UHRF1: variants seen among roughly 807,000 people sequenced by gnomAD.
The protein encoded by UHRF1 is ubiquitin like with PHD and ring finger domains 1.
Under a neutral mutation model 96.5 loss-of-function variants are expected in UHRF1, and 9 were observed. The ratio of observed to expected loss-of-function variants is 0.09; its 90% CI spans 0.06 to 0.16. The LOEUF is 0.16. UHRF1 is among the 10% of genes least tolerant of loss of function. The pLI is 1.00. For missense variants in UHRF1, 626 were observed against 1,131.1 expected (o/e 0.55, Z 6.40); for synonymous variants, 455 against 469.9 (o/e 0.97, Z 0.41).
At chr19:4,955,422 G>A (rs1170939173) in intron 15 of UHRF1, among the ~76,000 whole-genome samples, 6 of 152,020 alleles carry the variant, frequency 3.9e-5, no homozygotes. Flanking sequence ...CTCTCGGGAG[G>A]ACCTCGGGGT....
chr19:4,920,984 C>T (rs867535796), intron 2 of UHRF1, among the ~76,000 whole-genome samples: 2 of 151,620 alleles, frequency 1.3e-5, no homozygotes, highest in Non-Finnish European at 2.9e-5. Flanking sequence ...ATTAGCTGGG[C>T]GTGGTGGCAT....
chr19:4,940,359 A>ATTTTGTTTTTT (rs2033354364), intron 5 of UHRF1, among the ~76,000 whole-genome samples: 1 of 67,056 alleles, frequency 1.5e-5, no homozygotes, highest in Non-Finnish European at 2.7e-5. Flanking sequence ...TGCCTTTATG[A>ATTTTGTTTTTT]TTTTTTTTTT....
intron 2 of UHRF1, among the ~76,000 whole-genome samples, chr19:4,919,355 T>C (rs923878317): frequency 6.6e-6 from 1 of 151,580 alleles, no homozygotes; most frequent in East Asian, 1.9e-4. Context: ...CAGGCTAGAG[T>C]GCAGTGGCGT....
At chr19:4,948,561 G>A (rs1007301867) in intron 11 of UHRF1, among the ~76,000 whole-genome samples, 1 of 152,146 alleles carries the variant, frequency 6.6e-6, no homozygotes, top group African/African-American at 2.4e-5. Context: ...CACTTTGAGA[G>A]GCCGAGGTAG....
intron 5 of UHRF1, among the ~76,000 whole-genome samples, chr19:4,938,100 G>A (rs2033271172): frequency 2.6e-5 from 4 of 152,118 alleles, no homozygotes; most frequent in South Asian, 2.1e-4. Context: ...GTTGCAGTGA[G>A]CTATGATCAT....
At chr19:4,938,520 T>G (rs1018935904) in intron 5 of UHRF1, among the ~76,000 whole-genome samples, 4 of 149,710 alleles carry the variant, frequency 2.7e-5, no homozygotes, top group Admixed American at 1.4e-4. Context: ...AATAAGACAG[T>G]TTTTTTTTGT....
In UHRF1 at chr19:4,920,172, T is replaced by C. The variant is rs959744637; in HGVS notation, c.154-9050T>C. Reference sequence around the variant, plus strand: ...AGAGGCTGGGCGCAGCGGCTCATGCTTGTAATTTCAGCACTTCGGGAGGCT... The same window carrying C: ...AGAGGCTGGGCGCAGCGGCTCATGCCTGTAATTTCAGCACTTCGGGAGGCT... On this transcript the variant is annotated intron_variant, in intron 2 of 16. Coordinates refer to ENST00000650932, the MANE Select transcript of UHRF1 (RefSeq NM_001048201.3). 3.3e-5 allele frequency among the ~76,000 whole-genome samples: 5 copies of C among 152,194 alleles called. 1 individual carries two copies. Among genetic ancestry groups the C allele is most frequent in the Non-Finnish European group, 5.9e-5 (4 of 68,042 alleles).
intron 3 of UHRF1, among the ~76,000 whole-genome samples, chr19:4,929,721 G>A (rs1693790116): frequency 6.6e-6 from 1 of 152,206 alleles, no homozygotes; most frequent in South Asian, 2.1e-4. Context: ...GAAGCTTGCA[G>A]TGGCTGTGAC....
chr19:4,928,782 T>G (rs2032952116), intron 2 of UHRF1, among the ~76,000 whole-genome samples: 1 of 152,158 alleles, frequency 6.6e-6, no homozygotes, highest in African/African-American at 2.4e-5. Flanking sequence ...CTTCTCCCAG[T>G]GGCGACAACC....
intron 2 of UHRF1, among the ~76,000 whole-genome samples, chr19:4,925,270 C>G (rs939740825): frequency 6.6e-6 from 1 of 152,168 alleles, no homozygotes; most frequent in Admixed American, 6.6e-5. Flanking sequence ...AACCCTGAAC[C>G]CTGTCCCAGC....
rs371182810 is a variant in UHRF1 at position 4,931,736 on chromosome 19, G to A, written c.569+860G>A. On this transcript the variant is annotated intron_variant, in intron 4 of 16. Transcript: ENST00000650932. Reference sequence around the variant, plus strand: ...CCCGCCTCAGCCTCCCAGAGTGTTGGGATTACAGGTGTGAGCCACTGTGCC... The same window carrying A: ...CCCGCCTCAGCCTCCCAGAGTGTTGAGATTACAGGTGTGAGCCACTGTGCC... 1.1e-4 allele frequency among the ~76,000 whole-genome samples: 17 copies of A among 152,000 alleles called. 1 individual carries two copies. The highest frequency in any genetic ancestry group is 3.6e-4 in the African/African-American group (15 of 41,468).
intron 4 of UHRF1, among the ~76,000 whole-genome samples, chr19:4,932,202 C>T (rs2033075105): frequency 6.6e-6 from 1 of 152,224 alleles, no homozygotes. Context: ...GGATTACAGG[C>T]ATGAGCCACC....
intron 2 of UHRF1, among the ~76,000 whole-genome samples, chr19:4,913,693 T>G (rs2146286997): frequency 6.6e-6 from 1 of 152,288 alleles, no homozygotes; most frequent in South Asian, 2.1e-4. Flanking sequence ...CTCTCAACAC[T>G]GAATTTCGTC....
chr19:4,909,529 T>C lies in UHRF1; in HGVS notation c.-137T>C, dbSNP rs2032162191. The stretch of plus-strand genomic sequence containing the variant: ...GCAGCTGGCAGCGCGGCGGGCAGCG[T>C]TTGCCGAGCGGGCGCTCCGGGTCGC... On this transcript the variant is annotated 5_prime_UTR_variant, in exon 1 of 17. Transcript: ENST00000650932. 3.0e-6 allele frequency: 2 copies of C among 658,680 alleles called. No homozygotes were observed. The highest frequency in any genetic ancestry group is 3.2e-5 in the East Asian group (1 of 31,354). 40.8% of individuals were successfully genotyped at this position (658,680 alleles called of 1,614,324 possible). A position where few individuals can be genotyped will look rare whatever the true frequency, so the allele number is the denominator to read the frequency against.
Position 4,930,955 on chromosome 19 carries a change from G to A in UHRF1, c.569+79G>A. 1.3e-6 allele frequency: 2 copies of A among 1,567,646 alleles called. No homozygotes were observed. The highest frequency in any genetic ancestry group is 1.7e-6 in the Non-Finnish European group (2 of 1,149,348). Reference sequence around the variant, plus strand: ...CTTGGCTGCGGGTGTTCAGGCCAGAGCTTGGCACTGTCTCGAGATGGTGAT... The same window carrying A: ...CTTGGCTGCGGGTGTTCAGGCCAGAACTTGGCACTGTCTCGAGATGGTGAT... On this transcript the variant is annotated intron_variant, in intron 4 of 16. Transcript: ENST00000650932. The surrounding 1 kb of genome is among the most constrained non-coding windows in gnomAD (Gnocchi z 4.4).
chr19:4,927,380 C>CA (rs35783129), intron 2 of UHRF1, among the ~76,000 whole-genome samples: 1,573 of 82,674 alleles, frequency 0.019, 29 homozygotes, highest in Middle Eastern at 0.044. Context: ...GACTCCATCT[C>CA]AAAAAAAAAA....
chr19:4,946,553 C>A (rs2033571094), intron 10 of UHRF1, among the ~76,000 whole-genome samples: 1 of 151,858 alleles, frequency 6.6e-6, no homozygotes, highest in South Asian at 2.1e-4. Flanking sequence ...ATTCAAGACT[C>A]CTGTGATAAT....
chr19:4,947,233 A>T (rs2033591264), intron 11 of UHRF1, 22 bp downstream of exon 11: 3 of 1,606,986 alleles, frequency 1.9e-6, no homozygotes, highest in South Asian at 2.2e-5. Context: ...CAGCCTTCTT[A>T]TTTCCTTGCT....
In UHRF1 at chr19:4,930,734, G is replaced by A; in HGVS notation, c.427G>A (p.Ala143Thr). 1.2e-6 allele frequency: 2 copies of A among 1,613,884 alleles called. 1 individual carries two copies. The highest frequency in any genetic ancestry group is 1.7e-6 in the Non-Finnish European group (2 of 1,179,864). ...CTCACAGGTCAATGAGTACGTCGAT[G>A]CTCGGGACACGAACATGGGGGCGTG... is the stretch of plus-strand genomic sequence containing the variant. Reference protein sequence around the residue: ...GLYKVNEYVDARDTNMGAWFE... With the variant: ...GLYKVNEYVDTRDTNMGAWFE... The change falls in exon 4 of 17, where the codon GCT (alanine) becomes ACT (threonine). Residue 143 changes from alanine (A) to threonine (T), a missense_variant. By Grantham distance (58) the Ala-to-Thr change is moderately conservative (BLOSUM62 0). Coordinates refer to ENST00000650932, the MANE Select transcript of UHRF1 (RefSeq NM_001048201.3). The surrounding 1 kb of genome is among the most constrained non-coding windows in gnomAD (Gnocchi z 4.4).
Sources: allele counts gnomAD v4.1 joint callset (sites outside exome capture counted in the v4.1 genomes callset), GRCh38; gene constraint gnomAD v4.1.1; non-coding constraint Gnocchi (gnomAD v3.1); transcripts MANE v1.5; gene names NCBI Gene and HGNC (gene_info 2026-07-23, HGNC 2026-07-21).